RASL12: variants seen among roughly 807,000 people sequenced by gnomAD.
RASL12 encodes the protein ras-like protein family member 12.
Under a neutral mutation model 22.9 loss-of-function variants are expected in RASL12, and 16 were observed. The ratio of observed to expected loss-of-function variants is 0.70; its 90% CI spans 0.47 to 1.06. RASL12 has a LOEUF of 1.06. RASL12 is among the 50% of genes least tolerant of loss of function. RASL12 has a pLI of 0.00. For missense variants in RASL12, 306 were observed against 353.1 expected, an observed-to-expected ratio of 0.87 and a Z score of 1.07; for synonymous variants, 159 against 152.2, an observed-to-expected ratio of 1.04 and a Z score of -0.33.
chr15:65,051,756 C>A, downstream of RASL12: 1 of 590,050 alleles, frequency 1.7e-6, no homozygotes, highest in Non-Finnish European at 2.9e-6. Flanking sequence ...TTCGAGAACC[C>A]CAAGCTGTTA....
At chr15:65,055,998 G>A (rs1446245821) in intron 4 of RASL12, among the ~76,000 whole-genome samples, 1 of 152,180 alleles carries the variant, frequency 6.6e-6, no homozygotes, top group African/African-American at 2.4e-5. Context: ...ACCACCTCCC[G>A]TGAAGGGAGG....
the RASL12 span, among the ~76,000 whole-genome samples, chr15:65,047,546 T>C: frequency 0.02 from 3,104 of 152,242 alleles, 134 homozygotes; most frequent in African/African-American, 0.071. Context: ...TCAACTTCAA[T>C]ACTTTTCTTT....
intron 2 of RASL12, among the ~76,000 whole-genome samples, chr15:65,062,394 C>T (rs923899109): frequency 6.6e-6 from 1 of 152,216 alleles, no homozygotes; most frequent in Admixed American, 6.5e-5. Context: ...CCATGCCACA[C>T]AGACCTCTGA....
intron 2 of RASL12, among the ~76,000 whole-genome samples, chr15:65,064,780 G>A (rs1310683372): frequency 6.6e-6 from 1 of 151,976 alleles, no homozygotes; most frequent in Non-Finnish European, 1.5e-5. Flanking sequence ...TATTTTTAGA[G>A]ACGGAGTTTC....
downstream of RASL12, chr15:65,049,335 A>G (rs1305417405): frequency 1.3e-5 from 2 of 150,252 alleles, no homozygotes; most frequent in South Asian, 2.1e-4. Context: ...TCCAAAAAAA[A>G]AAGAAAAAGA....
chr15:65,056,041 G>A (rs2140515824), intron 4 of RASL12, among the ~76,000 whole-genome samples: 1 of 152,228 alleles, frequency 6.6e-6, no homozygotes, highest in Non-Finnish European at 1.5e-5. Flanking sequence ...AGGTCCTGGA[G>A]GCTTCTGACC....
downstream of RASL12, among the ~76,000 whole-genome samples, chr15:65,048,546 G>T (rs115724489): frequency 6.6e-6 from 1 of 152,262 alleles, no homozygotes; most frequent in South Asian, 2.1e-4. Context: ...AGAATGCTTC[G>T]ATCCTCCCTG....
chr15:65,073,085 C>CCAAA, intron 1 of RASL12, among the ~76,000 whole-genome samples: 1 of 152,104 alleles, frequency 6.6e-6, no homozygotes, highest in Non-Finnish European at 1.5e-5. Flanking sequence ...AACCAACGAA[C>CCAAA]CAAACAAACA....
upstream of RASL12, among the ~76,000 whole-genome samples, chr15:65,072,663 T>C (rs1293624542): frequency 3.3e-5 from 5 of 152,200 alleles, no homozygotes; most frequent in African/African-American, 1.2e-4. Flanking sequence ...TAGTTTTAGC[T>C]GGTCACCTAG....
At chr15:65,052,877 T>C (rs1325726514), downstream of RASL12, 1 of 1,217,436 alleles carries the variant, frequency 8.2e-7, no homozygotes, top group East Asian at 2.4e-5. Context: ...TAGAGAATTT[T>C]CCCCTTAGAC....
At chr15:65,066,200 AAAGG>A (rs1436036261) in intron 1 of RASL12, among the ~76,000 whole-genome samples, 3 of 151,930 alleles carry the variant, frequency 2.0e-5, no homozygotes, top group East Asian at 1.9e-4. Context: ...AGAAAGAGAA[AAAGG>A]AAGGAAGAAA....
At chr15:65,056,623 A>T (rs1224937910) in intron 4 of RASL12, among the ~76,000 whole-genome samples, 8 of 152,150 alleles carry the variant, frequency 5.3e-5, no homozygotes, top group African/African-American at 1.9e-4. Context: ...GGCACAGAAC[A>T]TTGTCCTTTT....
chr15:65,053,497 G>A lies in RASL12; in HGVS notation c.*1402C>T, dbSNP rs1488641915. ...AGCTGGCCTGTGGGTCGGGAAGCCT[G>A]TAGGACTGCAAGCATGTGGTCTTGA... On this transcript the variant is annotated 3_prime_UTR_variant, in exon 5 of 5. Transcript: ENST00000220062. 1.8e-6 allele frequency: 2 copies of A among 1,122,940 alleles called. No homozygotes were observed. The highest frequency in any genetic ancestry group is 2.2e-6 in the Non-Finnish European group (2 of 915,932). 69.6% of individuals were successfully genotyped at this position (1,122,940 alleles called of 1,614,324 possible).
rs779414374 is a variant in RASL12 at position 65,055,058 on chromosome 15, A to G, written c.642T>C (p.His214=). Residue 214 remains histidine, a synonymous_variant, in exon 5 of 5, where the codon CAT becomes CAC. Coordinates refer to ENST00000220062, the MANE Select transcript of RASL12 (RefSeq NM_016563.4). ...TGTTGAAGGTGCAGCTGGCCAGCCC[A>G]TGCCGCGCGGTGAGCGGGGCCTGGT... ...LPHQAPLTAR[H]GLASCTFNTL... is the part of the protein sequence containing the mutation. 4.3e-6 allele frequency: 7 copies of G among 1,613,340 alleles called. No individual in the cohort carries two copies. Among genetic ancestry groups the G allele is most frequent in the African/African-American group, 1.3e-5 (1 of 74,932 alleles).
In RASL12 at chr15:65,054,421, C is replaced by T. The variant is rs2086698418; in HGVS notation, c.*478G>A. 1 of 990,410 alleles carries T rather than the reference C, an allele frequency of 1.0e-6. No individual in the cohort carries two copies. Among genetic ancestry groups the T allele is most frequent in the South Asian group, 4.6e-5 (1 of 21,536 alleles). 61.4% of individuals were successfully genotyped at this position (990,410 alleles called of 1,614,324 possible). A position where few individuals can be genotyped will look rare whatever the true frequency, so the allele number is the denominator to read the frequency against. ...GATGACAGGAGGGCCAGGCTCTGGC[C>T]TCTGAAACTGCAGCCGCCCTGCCTT... On this transcript the variant is annotated 3_prime_UTR_variant, in exon 5 of 5. Coordinates refer to ENST00000220062, the MANE Select transcript of RASL12 (RefSeq NM_016563.4).
the RASL12 span, among the ~76,000 whole-genome samples, chr15:65,046,317 A>C: frequency 6.6e-6 from 1 of 152,102 alleles, no homozygotes; most frequent in Admixed American, 6.6e-5. Flanking sequence ...AAATAAATAC[A>C]AAATTAGCTG....
downstream of RASL12, chr15:65,050,068 G>A (rs771457741): frequency 9.7e-6 from 15 of 1,551,662 alleles, no homozygotes; most frequent in Non-Finnish European, 1.3e-5. Context: ...GGAGCTGCTG[G>A]AAGAGATGCT....
At chr15:65,069,148 CAGAGCTGGATGGTA>C (rs1187430961), upstream of RASL12, among the ~76,000 whole-genome samples, 2 of 152,202 alleles carry the variant, frequency 1.3e-5, no homozygotes. Context: ...GGCCCAGGGT[CAGAGCTGGATGGTA>C]ATAACGACTC....
chr15:65,075,525 C>G (rs2086961228), intron 1 of RASL12, among the ~76,000 whole-genome samples: 1 of 152,242 alleles, frequency 6.6e-6, no homozygotes, highest in South Asian at 2.1e-4. Context: ...TTATGTCTAG[C>G]TCAGGGATTG....
Sources: allele counts gnomAD v4.1 joint callset (sites outside exome capture counted in the v4.1 genomes callset), GRCh38; gene constraint gnomAD v4.1.1; transcripts MANE v1.5; gene names NCBI Gene and HGNC (gene_info 2026-07-23, HGNC 2026-07-21).